Variants in PIK3CG observed in about 807,000 individuals in gnomAD.
The protein encoded by PIK3CG is phosphatidylinositol 4,5-bisphosphate 3-kinase catalytic subunit gamma isoform.
A neutral mutation model predicts 102.3 loss-of-function variants in PIK3CG; 55 were observed. The observed-to-expected ratio is 0.54, with a 90% CI of 0.43 to 0.67. PIK3CG has a LOEUF of 0.67. Ranked by LOEUF, PIK3CG falls within the 30% of genes least tolerant of loss-of-function variation. PIK3CG has a pLI of 0.00. For synonymous variants in PIK3CG, 552 were observed against 540.0 expected (o/e 1.02, Z -0.31); for missense variants, 1,258 against 1,391.8 (o/e 0.90, Z 1.53).
chr7:106,877,084 A>C lies in PIK3CG; in HGVS notation c.2391+2281A>C, dbSNP rs536696502. On this transcript the variant is annotated intron_variant, in intron 5 of 10. Coordinates refer to ENST00000496166, the MANE Select transcript of PIK3CG (RefSeq NM_001282426.2). The surrounding 1 kb of genome is among the most constrained non-coding windows in gnomAD (Gnocchi z 4.5). ...CATGGTGGCACGTGCCATAGTCCCC[A>C]CTACTTGGAAGGCTGTGGTGGGAGG... 6.6e-6 allele frequency among the ~76,000 whole-genome samples: 1 copy of C among 152,268 alleles called. No individual in the cohort carries two copies. The highest frequency in any genetic ancestry group is 2.4e-5 in the African/African-American group (1 of 41,550).
At chr7:106,898,761 A>G (rs1562801583) in intron 10 of PIK3CG, among the ~76,000 whole-genome samples, 1 of 152,068 alleles carries the variant, frequency 6.6e-6, no homozygotes, top group Non-Finnish European at 1.5e-5. Flanking sequence ...TACCATTACC[A>G]TGCTGTTTTT....
At chr7:106,901,708 T>A (rs189752208) in intron 10 of PIK3CG, among the ~76,000 whole-genome samples, 1 of 152,312 alleles carries the variant, frequency 6.6e-6, no homozygotes, top group East Asian at 1.9e-4. Context: ...TTTAACCAGT[T>A]GTAGATTGAG....
At chr7:106,870,565 T>C (rs1488061981) in intron 2 of PIK3CG, among the ~76,000 whole-genome samples, 2 of 152,218 alleles carry the variant, frequency 1.3e-5, no homozygotes, top group East Asian at 3.8e-4. Context: ...TAGGGAAAAC[T>C]ATACCGTATT....
rs1562960249 is a variant in PIK3CG, at chr7:106,880,585, A to G, written c.2538+920A>G. Among the ~76,000 whole-genome samples the G allele has an allele frequency of 6.6e-6, 1 of 152,262 alleles. No individual in the cohort carries two copies. Among genetic ancestry groups the G allele is most frequent in the Non-Finnish European group, 1.5e-5 (1 of 68,048 alleles). On this transcript the variant is annotated intron_variant, in intron 6 of 10. Coordinates refer to ENST00000496166, the MANE Select transcript of PIK3CG (RefSeq NM_001282426.2). The surrounding 1 kb of genome is among the most constrained non-coding windows in gnomAD (Gnocchi z 4.2). ...TCTGTAGAATATTTTGAATTGTTTG[A>G]AGATGGACACTTTAAAAACACAAAA... is the stretch of plus-strand genomic sequence containing the variant.
In PIK3CG at chr7:106,907,840, A is replaced by G. The variant is rs578168140; in HGVS notation, c.*2453A>G. The stretch of plus-strand genomic sequence containing the variant: ...TATATATATATGTATGTGTGTGTGT[A>G]TATATATATATATATATCACAGTTG... On this transcript the variant is annotated 3_prime_UTR_variant, in exon 11 of 11. Transcript: ENST00000496166. 3.6e-4 allele frequency among the ~76,000 whole-genome samples: 50 copies of G among 139,702 alleles called. No homozygotes were observed. The highest frequency in any genetic ancestry group is 6.4e-4 in the East Asian group (3 of 4,694). 91.6% of individuals were successfully genotyped at this position (139,702 alleles called of 152,430 possible).
Position 106,868,458 on chromosome 7 carries a change from C to T in PIK3CG, c.897C>T (p.Asn299=), listed in dbSNP as rs1220639059. ...NFQWVRHCLK[N]GEEIHVVLDT... is the part of the protein sequence containing the mutation. The stretch of plus-strand genomic sequence containing the variant: ...AGTGGGTGAGGCACTGCCTCAAGAA[C>T]GGAGAAGAGATTCACGTGGTACTGG... The change falls in exon 2 of 11, where the codon AAC becomes AAT. Residue 299 remains asparagine, a synonymous_variant. Coordinates refer to ENST00000496166, the MANE Select transcript of PIK3CG (RefSeq NM_001282426.2). The surrounding 1 kb of genome is among the most constrained non-coding windows in gnomAD (Gnocchi z 6.2). The T allele has an allele frequency of 9.3e-6, 15 of 1,614,044 alleles. No homozygotes were observed. Among genetic ancestry groups the T allele is most frequent in the South Asian group, 6.6e-5 (6 of 91,088 alleles).
At position 106,879,893 on chromosome 7, in the gene PIK3CG, C is replaced by T. The variant is rs1190700256; in HGVS notation, c.2538+228C>T. Among the ~76,000 whole-genome samples, 3 of 152,168 alleles carry T rather than the reference C, an allele frequency of 2.0e-5. No homozygotes were observed. The highest frequency in any genetic ancestry group is 4.4e-5 in the Non-Finnish European group (3 of 68,026). ...GTCCAAGTTGCATATCTAACACTCC[C>T]AAGTAGCCAGATATACCTCCCTCAC... is the stretch of plus-strand genomic sequence containing the variant. On this transcript the variant is annotated intron_variant, in intron 6 of 10. Transcript: ENST00000496166. The surrounding 1 kb of genome is among the most constrained non-coding windows in gnomAD (Gnocchi z 4.9).
intron 10 of PIK3CG, among the ~76,000 whole-genome samples, chr7:106,904,158 A>G (rs1489557856): frequency 2.6e-5 from 4 of 152,278 alleles, no homozygotes; most frequent in African/African-American, 9.6e-5. Flanking sequence ...TCATATTTTA[A>G]TGACATATGA....
intron 10 of PIK3CG, among the ~76,000 whole-genome samples, chr7:106,896,220 C>T (rs1791404159): frequency 6.6e-6 from 1 of 152,288 alleles, no homozygotes; most frequent in South Asian, 2.1e-4. Context: ...TGCATCACTG[C>T]TTAACAAGTA....
chr7:106,880,790 T>C lies in PIK3CG; in HGVS notation c.2538+1125T>C, dbSNP rs1234511265. On this transcript the variant is annotated intron_variant, in intron 6 of 10. Transcript: ENST00000496166. The surrounding 1 kb of genome is among the most constrained non-coding windows in gnomAD (Gnocchi z 4.2). ...AACTCCTAGGCTCAAGCAATCCTCC[T>C]GCCTTAGCCTCTGAAGTAACTAGGA... 6.6e-6 allele frequency among the ~76,000 whole-genome samples: 1 copy of C among 152,036 alleles called. No individual in the cohort carries two copies. Among genetic ancestry groups the C allele is most frequent in the African/African-American group, 2.4e-5 (1 of 41,386 alleles).
intron 10 of PIK3CG, among the ~76,000 whole-genome samples, chr7:106,898,762 T>A (rs1184317203): frequency 1.3e-5 from 2 of 152,198 alleles, no homozygotes; most frequent in African/African-American, 4.8e-5. Context: ...ACCATTACCA[T>A]GCTGTTTTTG....
rs1791683562 is a variant in PIK3CG, at chr7:106,906,330, T to C, written c.*943T>C. The C allele has an allele frequency of 4.3e-6, 1 of 229,914 alleles. No homozygotes were observed. Among genetic ancestry groups the C allele is most frequent in the South Asian group, 1.8e-4 (1 of 5,498 alleles). The allele number at this position is 229,914 out of a possible 1,614,324, so 14.2% of individuals were successfully genotyped here. ...GGATTATTAGAATCTTAGGTACTTA[T>C]TTGTAAAGATGTTTAGTGACTTTTT... On this transcript the variant is annotated 3_prime_UTR_variant, in exon 11 of 11. Coordinates refer to ENST00000496166, the MANE Select transcript of PIK3CG (RefSeq NM_001282426.2).
At chr7:106,900,555 C>T (rs1413215629) in intron 10 of PIK3CG, among the ~76,000 whole-genome samples, 1 of 152,152 alleles carries the variant, frequency 6.6e-6, no homozygotes, top group Non-Finnish European at 1.5e-5. Flanking sequence ...TGCCCATTTA[C>T]ATTCAAGGTC....
At position 106,903,748 on chromosome 7, in the gene PIK3CG, T is replaced by TTTA. The variant is rs1791619270; in HGVS notation, c.3031-1359_3031-1358insATT. 1.3e-3 allele frequency among the ~76,000 whole-genome samples: 7 copies of TTTA among 5,512 alleles called. No individual in the cohort carries two copies. The highest frequency in any genetic ancestry group is 8.5e-3 in the Admixed American group (2 of 236). The allele number at this position is 5,512 out of a possible 152,430, so 3.6% of individuals were successfully genotyped here. On this transcript the variant is annotated intron_variant, in intron 10 of 10. Coordinates refer to ENST00000496166, the MANE Select transcript of PIK3CG (RefSeq NM_001282426.2). The surrounding 1 kb of genome is among the most constrained non-coding windows in gnomAD (Gnocchi z 4.3). ...TCCTTCACTTTTCTGATTTTATTTT[T>TTTA]TTTATTTATTTATTTATTTATTTAT...
rs1791024045 is a variant in PIK3CG at position 106,884,311 on chromosome 7, T to C, written c.2872+45T>C. 1 of 1,194,890 alleles carries C rather than the reference T, an allele frequency of 8.4e-7. No homozygotes were observed. The allele number at this position is 1,194,890 out of a possible 1,614,324, so 74.0% of individuals were successfully genotyped here. ...AATAAACTTTTATTGTGGTAAAATA[T>C]ATATAACATAACATTTACTATTTTA... On this transcript the variant is annotated intron_variant, in intron 9 of 10. Transcript: ENST00000496166. The surrounding 1 kb of genome is among the most constrained non-coding windows in gnomAD (Gnocchi z 4.2).
chr7:106,881,916 G>T (rs1790949177), intron 6 of PIK3CG, among the ~76,000 whole-genome samples: 2 of 152,006 alleles, frequency 1.3e-5, no homozygotes, highest in Admixed American at 1.3e-4. Context: ...GTACATTTCG[G>T]AAAACAAAAT....
In PIK3CG at chr7:106,902,273, G is replaced by C. The variant is rs1004268139; in HGVS notation, c.3031-2836G>C. On this transcript the variant is annotated intron_variant, in intron 10 of 10. Coordinates refer to ENST00000496166, the MANE Select transcript of PIK3CG (RefSeq NM_001282426.2). The surrounding 1 kb of genome is among the most constrained non-coding windows in gnomAD (Gnocchi z 4.3). Reference sequence around the variant, plus strand: ...TTGTGTCAAGCAATGCGGGGGGTGTGTGGGATGCACGGGAGACACACTGGC... The same window carrying C: ...TTGTGTCAAGCAATGCGGGGGGTGTCTGGGATGCACGGGAGACACACTGGC... Among the ~76,000 whole-genome samples, 1 of 152,154 alleles carries C rather than the reference G, an allele frequency of 6.6e-6. No individual in the cohort carries two copies. Among genetic ancestry groups the C allele is most frequent in the Non-Finnish European group, 1.5e-5 (1 of 68,024 alleles).
chr7:106,893,526 T>C lies in PIK3CG; in HGVS notation c.3030+7234T>C, dbSNP rs1257034372. ...TTCTTTCAGAACATTTTGTCTAACA[T>C]AGAATATTGTCAGGGACATTGTTTA... On this transcript the variant is annotated intron_variant, in intron 10 of 10. Coordinates refer to ENST00000496166, the MANE Select transcript of PIK3CG (RefSeq NM_001282426.2). The surrounding 1 kb of genome is among the most constrained non-coding windows in gnomAD (Gnocchi z 4.4). Among the ~76,000 whole-genome samples the C allele has an allele frequency of 1.3e-5, 2 of 152,222 alleles. No homozygotes were observed. Among genetic ancestry groups the C allele is most frequent in the Non-Finnish European group, 1.5e-5 (1 of 68,044 alleles).
chr7:106,897,666 A>G lies in PIK3CG; in HGVS notation c.3031-7443A>G, dbSNP rs1791441522. ...CTGTCTCTGCATTAGTTTGCTAAAG[A>G]TAATAGCCCCCAGCTCCATCCATGT... is the stretch of plus-strand genomic sequence containing the variant. On this transcript the variant is annotated intron_variant, in intron 10 of 10. Coordinates refer to ENST00000496166, the MANE Select transcript of PIK3CG (RefSeq NM_001282426.2). The surrounding 1 kb of genome is among the most constrained non-coding windows in gnomAD (Gnocchi z 4.6). Among the ~76,000 whole-genome samples the G allele has an allele frequency of 6.6e-6, 1 of 152,228 alleles. No homozygotes were observed. The highest frequency in any genetic ancestry group is 1.5e-5 in the Non-Finnish European group (1 of 68,044).
Sources: allele counts gnomAD v4.1 joint callset (sites outside exome capture counted in the v4.1 genomes callset), GRCh38; gene constraint gnomAD v4.1.1; non-coding constraint Gnocchi (gnomAD v3.1); transcripts MANE v1.5; gene names NCBI Gene and HGNC (gene_info 2026-07-23, HGNC 2026-07-21).